ASIC2: variants seen among roughly 807,000 people sequenced by gnomAD.
ASIC2 encodes the protein acid sensing ion channel subunit 2.
ASIC2 carries 25 observed loss-of-function variants against 57.3 expected under a neutral mutation model. The observed-to-expected ratio is 0.44, with a 90% CI of 0.32 to 0.61. ASIC2 has a LOEUF of 0.61. ASIC2 is among the 20% of genes least tolerant of loss of function. The probability of loss-of-function intolerance (pLI) is 0.06; values close to 1 mark genes in which losing one functional copy is unlikely to be tolerated. For synonymous variants in ASIC2, 319 were observed against 307.5 expected, an observed-to-expected ratio of 1.04 and a Z score of -0.39; for missense variants, 641 against 738.1, an observed-to-expected ratio of 0.87 and a Z score of 1.52.
chr17:33,225,841 G>A (rs1907858971), intron 1 of ASIC2, among the ~76,000 whole-genome samples: 1 of 152,224 alleles, frequency 6.6e-6, no homozygotes, highest in African/African-American at 2.4e-5. Flanking sequence ...GGCACCAAAG[G>A]AGGCCATGGA....
chr17:33,980,877 T>A (rs1905589656), intron 1 of ASIC2: 1 of 152,052 alleles, frequency 6.6e-6, no homozygotes, highest in Admixed American at 6.6e-5. Flanking sequence ...TCATTGAGAC[T>A]GCATCACAGC....
chr17:33,561,376 C>G (rs1348081808), intron 1 of ASIC2, among the ~76,000 whole-genome samples: 1 of 152,148 alleles, frequency 6.6e-6, no homozygotes, highest in Non-Finnish European at 1.5e-5. Context: ...ACTGATAGCA[C>G]TGGCAGGTGC....
In ASIC2 at chr17:33,863,819, G is replaced by T. The variant is rs528020687; in HGVS notation, c.555+292159C>A. Reference sequence around the variant, plus strand: ...GAACAAATCTTGGGCACAGAGCCTTGGCAGACAACAAAAATCTAGCTATAA... The same window carrying T: ...GAACAAATCTTGGGCACAGAGCCTTTGCAGACAACAAAAATCTAGCTATAA... On this transcript the variant is annotated intron_variant, in intron 1 of 9. Coordinates refer to the ASIC2 transcript ENST00000359872. 3.3e-5 allele frequency among the ~76,000 whole-genome samples: 5 copies of T among 152,060 alleles called. No individual in the cohort carries two copies. The South Asian group carries it at 1.0e-3, about 32-fold the overall frequency.
At chr17:33,379,825 C>G (rs978925130) in intron 1 of ASIC2, among the ~76,000 whole-genome samples, 1 of 152,212 alleles carries the variant, frequency 6.6e-6, no homozygotes, top group African/African-American at 2.4e-5. Flanking sequence ...TTAAAGAGAA[C>G]AAACCAAGCT....
chr17:33,729,978 A>G (rs1909689436), intron 1 of ASIC2, among the ~76,000 whole-genome samples: 1 of 152,156 alleles, frequency 6.6e-6, no homozygotes, highest in Non-Finnish European at 1.5e-5. Flanking sequence ...ATCTTCCCAC[A>G]CCTCACTGCC....
chr17:33,221,305 C>T (rs532406455), intron 1 of ASIC2, among the ~76,000 whole-genome samples: 81 of 151,862 alleles, frequency 5.3e-4, no homozygotes, highest in Non-Finnish European at 1.1e-3. Context: ...TCCATATTAC[C>T]GAAAAATAAA....
At position 33,044,277 on chromosome 17, in the gene ASIC2, TC is replaced by T. The variant is rs1274945968; in HGVS notation, c.988-15886del. On this transcript the variant is annotated intron_variant, in intron 3 of 9. Transcript: ENST00000225823. ...ATCCATCTACCCATCCATCCATCCATCCATCCATCCATCCATCCATCCATCC... is the reference window on the plus strand; with the variant it reads ...ATCCATCTACCCATCCATCCATCCATCATCCATCCATCCATCCATCCATCC... 1.3e-4 allele frequency among the ~76,000 whole-genome samples: 20 copies of T among 149,722 alleles called. 1 individual carries two copies. Among genetic ancestry groups the T allele is most frequent in the African/African-American group, 5.0e-4 (20 of 39,648 alleles).
At chr17:33,089,119 T>A in intron 2 of ASIC2, 129 bp from the exon 3 acceptor site, 2 of 1,246,634 alleles carry the variant, frequency 1.6e-6, no homozygotes, top group Non-Finnish European at 2.2e-6. Context: ...CCCAAAGGTG[T>A]CCACATCCCC....
intron 1 of ASIC2, among the ~76,000 whole-genome samples, chr17:33,361,322 G>GC (rs1908598782): frequency 2.6e-5 from 4 of 152,202 alleles, no homozygotes; most frequent in Admixed American, 2.6e-4. Flanking sequence ...ATGCCCAAAT[G>GC]TCTTGGAGAG....
chr17:33,387,240 C>T (rs1388986033), intron 1 of ASIC2, among the ~76,000 whole-genome samples: 1 of 152,168 alleles, frequency 6.6e-6, no homozygotes, highest in African/African-American at 2.4e-5. Context: ...ACAACAAGTA[C>T]TCTTCTATCT....
At chr17:33,015,129 G>T (rs894562610) in intron 9 of ASIC2, among the ~76,000 whole-genome samples, 2 of 152,182 alleles carry the variant, frequency 1.3e-5, no homozygotes, top group African/African-American at 4.8e-5. Context: ...GAACAGAAAT[G>T]GAATCCATAT....
At chr17:33,265,861 T>G (rs11080209) in intron 1 of ASIC2, among the ~76,000 whole-genome samples, 29,060 of 151,902 alleles carry the variant, frequency 0.19, 3,025 homozygotes, top group Admixed American at 0.25. Context: ...ATGTTCAAAG[T>G]ATATTGACCC....
chr17:33,248,487 C>T (rs1257362114), intron 1 of ASIC2, among the ~76,000 whole-genome samples: 2 of 152,184 alleles, frequency 1.3e-5, no homozygotes, highest in East Asian at 3.8e-4. Context: ...GCATTAGTTT[C>T]CTGTGGCTGC....
rs1316504263 is a variant in ASIC2, at chr17:33,343,694, AT to A, written c.556-231628del. 7.2e-5 allele frequency among the ~76,000 whole-genome samples: 11 copies of A among 151,932 alleles called. No individual in the cohort carries two copies. In the East Asian group the frequency reaches 2.1e-3, roughly 30 times the overall value. Reference sequence around the variant, plus strand: ...CTCAGCCTTATTTTCTTCCCTCTGCATTTTCCAGTCTGTGTTCACTTCTGTG... The same window carrying A: ...CTCAGCCTTATTTTCTTCCCTCTGCATTTCCAGTCTGTGTTCACTTCTGTG... On this transcript the variant is annotated intron_variant, in intron 1 of 9. Transcript: ENST00000359872.
At chr17:33,620,945 G>A (rs1905773037) in intron 1 of ASIC2, among the ~76,000 whole-genome samples, 1 of 152,008 alleles carries the variant, frequency 6.6e-6, no homozygotes, top group Non-Finnish European at 1.5e-5. Flanking sequence ...GGACCCGCTG[G>A]CCGTCCTTCT....
intron 1 of ASIC2, among the ~76,000 whole-genome samples, chr17:34,099,582 G>T: frequency 7.0e-6 from 1 of 142,854 alleles, no homozygotes; most frequent in African/African-American, 2.6e-5. Context: ...AGGAAAGAAG[G>T]AAGGAAAGAA....
chr17:33,506,168 G>A (rs1252334054), intron 1 of ASIC2, among the ~76,000 whole-genome samples: 2 of 151,344 alleles, frequency 1.3e-5, no homozygotes, highest in Non-Finnish European at 2.9e-5. Context: ...GCCGAGGCGG[G>A]CAGATCACGA....
rs1416627624 is a variant in ASIC2, at chr17:33,510,792, G to A, written c.556-398725C>T. Among the ~76,000 whole-genome samples, 3 of 152,088 alleles carry A rather than the reference G, an allele frequency of 2.0e-5. No individual in the cohort carries two copies. In the East Asian group the frequency reaches 5.8e-4, roughly 29 times the overall value. The stretch of plus-strand genomic sequence containing the variant: ...CACCCAGTACCCTGGGCTCATTCAT[G>A]TCACCAGCTTGTAGAAGCATCTGAG... On this transcript the variant is annotated intron_variant, in intron 1 of 9. Transcript: ENST00000359872.
At chr17:33,255,028 C>CTTTTTTTTT (rs1173076413) in intron 1 of ASIC2, among the ~76,000 whole-genome samples, 3 of 73,994 alleles carry the variant, frequency 4.1e-5, no homozygotes, top group African/African-American at 1.2e-4. Flanking sequence ...AGAAAGAAAT[C>CTTTTTTTTT]TTTTTTTTTT....
Sources: allele counts gnomAD v4.1 joint callset (sites outside exome capture counted in the v4.1 genomes callset), GRCh38; gene constraint gnomAD v4.1.1; transcripts MANE v1.5; gene names NCBI Gene and HGNC (gene_info 2026-07-23, HGNC 2026-07-21).